Variants in DMRT3 observed in about 807,000 individuals in gnomAD.
The protein encoded by DMRT3 is doublesex- and mab-3-related transcription factor 3.
In DMRT3, 29 loss-of-function variants were observed where a neutral mutation model predicts 34.9. That is an observed-to-expected ratio of 0.83 (90% confidence interval 0.62 to 1.13). DMRT3 has a LOEUF of 1.13. Ranked by LOEUF, DMRT3 falls within the 50% of genes most tolerant of loss-of-function variation. The pLI is 0.00. For synonymous variants in DMRT3, 350 were observed against 286.0 expected (o/e 1.22, Z -2.26); for missense variants, 772 against 629.1 (o/e 1.23, Z -2.43).
intron 1 of DMRT3, among the ~76,000 whole-genome samples, chr9:987,125 G>A (rs1820295938): frequency 6.6e-6 from 1 of 152,018 alleles, no homozygotes; most frequent in Non-Finnish European, 1.5e-5. Context: ...TCAAAATGTT[G>A]TGCAACCATC....
chr9:982,238 C>T (rs2130060956), intron 1 of DMRT3, among the ~76,000 whole-genome samples: 1 of 152,326 alleles, frequency 6.6e-6, no homozygotes, highest in East Asian at 1.9e-4. Context: ...CTCTGCAGAG[C>T]CCGAGCTGCC....
rs568359416 is a variant in DMRT3, at chr9:978,473, T to G, written c.454+1018T>G. 5.9e-5 allele frequency among the ~76,000 whole-genome samples: 9 copies of G among 152,278 alleles called. No individual in the cohort carries two copies. In the South Asian group the frequency reaches 1.9e-3, roughly 32 times the overall value. On this transcript the variant is annotated intron_variant, in intron 1 of 1. Coordinates refer to ENST00000190165, the MANE Select transcript of DMRT3 (RefSeq NM_021240.4). ...TCTCCCGGAAGGGGGCATGCTGGAA[T>G]TAGGAGTGGGAAGGTCCAGAGCCCT...
chr9:980,538 A>AT (rs978262861), intron 1 of DMRT3, among the ~76,000 whole-genome samples: 39 of 152,096 alleles, frequency 2.6e-4, no homozygotes, highest in African/African-American at 9.4e-4. Context: ...TAAGCTATAT[A>AT]TATCTATTAA....
intron 1 of DMRT3, among the ~76,000 whole-genome samples, chr9:986,543 G>C (rs911283382): frequency 6.6e-6 from 1 of 152,140 alleles, no homozygotes; most frequent in Non-Finnish European, 1.5e-5. Flanking sequence ...TAAAGTGGGG[G>C]CAGGGGATGT....
chr9:990,519 G>A lies in DMRT3; in HGVS notation c.933G>A (p.Gly311=), dbSNP rs1820344927. The A allele has an allele frequency of 6.2e-7, 1 of 1,614,058 alleles. No individual in the cohort carries two copies. The highest frequency in any genetic ancestry group is 8.5e-7 in the Non-Finnish European group (1 of 1,180,008). The change falls in exon 2 of 2, where the codon GGG becomes GGA. Residue 311 remains glycine, a synonymous_variant. Transcript: ENST00000190165. ...EPESLALPSN[G]HIFEHTLSSY... Reference sequence around the variant, plus strand: ...AGAGTCTAGCGTTGCCCTCCAATGGGCACATCTTTGAACACACCTTGAGCT... The same window carrying A: ...AGAGTCTAGCGTTGCCCTCCAATGGACACATCTTTGAACACACCTTGAGCT...
Position 990,795 on chromosome 9 carries a change from G to A in DMRT3, c.1209G>A (p.Leu403=). Residue 403 remains leucine, a synonymous_variant, in exon 2 of 2, where the codon CTG becomes CTA. Coordinates refer to ENST00000190165, the MANE Select transcript of DMRT3 (RefSeq NM_021240.4). ...NTMTLQQQYQ[L]RSQYVSPFPS... Reference sequence around the variant, plus strand: ...TGACGCTGCAGCAGCAGTATCAGCTGAGGTCCCAGTATGTCAGTCCTTTCC... The same window carrying A: ...TGACGCTGCAGCAGCAGTATCAGCTAAGGTCCCAGTATGTCAGTCCTTTCC... The A allele has an allele frequency of 6.2e-7, 1 of 1,614,172 alleles. No homozygotes were observed. The highest frequency in any genetic ancestry group is 8.5e-7 in the Non-Finnish European group (1 of 1,180,028).
At chr9:977,556 C>A (rs279891) in intron 1 of DMRT3, 101 bp downstream of exon 1, 878,741 of 1,083,198 alleles carry the variant, frequency 0.81, 357,118 homozygotes, top group African/African-American at 0.9. Flanking sequence ...AGTTTTGGGA[C>A]GTGGGCCTGT....
rs1820346849 is a variant in DMRT3, at chr9:990,602, C to T, written c.1016C>T (p.Thr339Met). The T allele has an allele frequency of 6.2e-7, 1 of 1,614,120 alleles. No individual in the cohort carries two copies. The highest frequency in any genetic ancestry group is 1.1e-5 in the South Asian group (1 of 91,086). The stretch of plus-strand genomic sequence containing the variant: ...GGATCAGCCTTTCGAGTCCCAGACA[C>T]GTTGAGGTTTTCTGCCGACTCTAGC... ...SVGSAFRVPDTLRFSADSSNV... is the reference protein window; with the variant it reads ...SVGSAFRVPDMLRFSADSSNV... Residue 339 changes from threonine (T) to methionine (M), a missense_variant, in exon 2 of 2, where the codon ACG becomes ATG. Thr to Met is a moderately conservative substitution (Grantham distance 81). Coordinates refer to ENST00000190165, the MANE Select transcript of DMRT3 (RefSeq NM_021240.4).
rs1586680925 is a variant in DMRT3 at position 976,896 on chromosome 9, C to T, written c.-106C>T. The T allele has an allele frequency of 1.7e-5, 21 of 1,247,436 alleles. No individual in the cohort carries two copies. The East Asian group carries it at 2.1e-4, about 13-fold the overall frequency. 77.3% of individuals were successfully genotyped at this position (1,247,436 alleles called of 1,614,324 possible). A position where few individuals can be genotyped will look rare whatever the true frequency, so the allele number is the denominator to read the frequency against. Reference sequence around the variant, plus strand: ...CCACCGGGGCTGCGGGACCAAGGGCCGCGTCGCCCGGAGGCCGCCCCTGAG... The same window carrying T: ...CCACCGGGGCTGCGGGACCAAGGGCTGCGTCGCCCGGAGGCCGCCCCTGAG... On this transcript the variant is annotated 5_prime_UTR_variant, in exon 1 of 2. Coordinates refer to ENST00000190165, the MANE Select transcript of DMRT3 (RefSeq NM_021240.4). This position sits in a 1 kb window ranked among gnomAD's most constrained non-coding sequence, Gnocchi z 4.5.
rs1304368851 is a variant in DMRT3 at position 989,521 on chromosome 9, A to G, written c.455-520A>G. On this transcript the variant is annotated intron_variant, in intron 1 of 1. Coordinates refer to ENST00000190165, the MANE Select transcript of DMRT3 (RefSeq NM_021240.4). ...CCTGATGCAACTTACTGATTGGTTC[A>G]TAAGACATATTTAACACAAAATCAG... is the stretch of plus-strand genomic sequence containing the variant. 2.0e-5 allele frequency among the ~76,000 whole-genome samples: 3 copies of G among 152,236 alleles called. No individual in the cohort carries two copies. The East Asian group carries it at 5.8e-4, about 29-fold the overall frequency.
chr9:988,998 C>T (rs569917347), intron 1 of DMRT3, among the ~76,000 whole-genome samples: 1 of 152,304 alleles, frequency 6.6e-6, no homozygotes, highest in South Asian at 2.1e-4. Flanking sequence ...GCAATATTAC[C>T]AGCTGTTAAG....
In DMRT3 at chr9:977,333, C is replaced by T; in HGVS notation, c.332C>T (p.Pro111Leu). 2 of 1,264,450 alleles carry T rather than the reference C, an allele frequency of 1.6e-6. No homozygotes were observed. Among genetic ancestry groups the T allele is most frequent in the Non-Finnish European group, 2.0e-6 (2 of 1,007,726 alleles). The allele number at this position is 1,264,450 out of a possible 1,614,324, so 78.3% of individuals were successfully genotyped here. ...GDAVAAPQPP[P>L]ASQPSQPQPP... Reference sequence around the variant, plus strand: ...GCCGTCGCCGCCCCGCAGCCGCCGCCAGCCTCTCAGCCGTCGCAGCCGCAG... The same window carrying T: ...GCCGTCGCCGCCCCGCAGCCGCCGCTAGCCTCTCAGCCGTCGCAGCCGCAG... Residue 111 changes from proline to leucine, a missense_variant, in exon 1 of 2, where the codon CCA becomes CTA. Transcript: ENST00000190165.
chr9:984,154 C>A (rs549881334), intron 1 of DMRT3, among the ~76,000 whole-genome samples: 1 of 152,256 alleles, frequency 6.6e-6, no homozygotes, highest in African/African-American at 2.4e-5. Flanking sequence ...TGCCTGGGCT[C>A]CCTCCCTTGC....
Position 990,231 on chromosome 9 carries a change from G to C in DMRT3, c.645G>C (p.Glu215Asp). The change falls in exon 2 of 2, where the codon GAG becomes GAC. Residue 215 changes from glutamate to aspartate, a missense_variant. Coordinates refer to ENST00000190165, the MANE Select transcript of DMRT3 (RefSeq NM_021240.4). ...TCCAGAAAAACGGAGGCAACCCCGA[G>C]AGCCGCCCTGACAGCCCCAAGTGTC... Reference protein sequence around the residue: ...YAVQKNGGNPESRPDSPKCHA... With the variant: ...YAVQKNGGNPDSRPDSPKCHA... 1 of 1,614,066 alleles carries C rather than the reference G, an allele frequency of 6.2e-7. No individual in the cohort carries two copies. Among genetic ancestry groups the C allele is most frequent in the Non-Finnish European group, 8.5e-7 (1 of 1,180,030 alleles).
chr9:977,138 G>A lies in DMRT3; in HGVS notation c.137G>A (p.Arg46His), dbSNP rs777373571. 6 of 1,611,040 alleles carry A rather than the reference G, an allele frequency of 3.7e-6. No individual in the cohort carries two copies. Among genetic ancestry groups the A allele is most frequent in the Non-Finnish European group, 5.1e-6 (6 of 1,178,982 alleles). Residue 46 changes from arginine to histidine, a missense_variant, in exon 1 of 2, where the codon CGT (arginine) becomes CAT (histidine). Coordinates refer to ENST00000190165, the MANE Select transcript of DMRT3 (RefSeq NM_021240.4). ...GVLSWLKGHK[R>H]YCRFKDCTCE... is the part of the protein sequence containing the mutation. ...CTGTCCTGGCTCAAGGGCCACAAGCGTTACTGCCGCTTCAAGGACTGCACC... is the reference window on the plus strand; with the variant it reads ...CTGTCCTGGCTCAAGGGCCACAAGCATTACTGCCGCTTCAAGGACTGCACC...
chr9:981,601 G>A (rs1026664951), intron 1 of DMRT3, among the ~76,000 whole-genome samples: 7 of 152,210 alleles, frequency 4.6e-5, no homozygotes, highest in African/African-American at 1.7e-4. Context: ...GCTGGGGACC[G>A]GTCTTCCCAG....
chr9:990,575 T>C lies in DMRT3; in HGVS notation c.989T>C (p.Val330Ala), dbSNP rs1327919716. ...SYPISSSKWS[V>A]GSAFRVPDTL... ...CCCATCTCGTCTTCCAAATGGTCTG[T>C]GGGATCAGCCTTTCGAGTCCCAGAC... The change falls in exon 2 of 2, where the codon GTG (valine) becomes GCG (alanine). Residue 330 changes from valine (V) to alanine (A), a missense_variant. By Grantham distance (64) the Val-to-Ala change is moderately conservative (BLOSUM62 0). Coordinates refer to ENST00000190165, the MANE Select transcript of DMRT3 (RefSeq NM_021240.4). 1 of 1,614,146 alleles carries C rather than the reference T, an allele frequency of 6.2e-7. No individual in the cohort carries two copies. Among genetic ancestry groups the C allele is most frequent in the South Asian group, 1.1e-5 (1 of 91,078 alleles).
At chr9:988,947 G>A (rs978836438) in intron 1 of DMRT3, among the ~76,000 whole-genome samples, 1 of 152,202 alleles carries the variant, frequency 6.6e-6, no homozygotes, top group Non-Finnish European at 1.5e-5. Flanking sequence ...CTACTGCAAA[G>A]CAAACCACTC....
Position 977,290 on chromosome 9 carries a change from CCCCCGCCGCCGGGGGACGCCGTCGCCG to C in DMRT3, c.296_322del (p.Pro99_Pro107del). ...CGACTCGCTGCGCGCTCTGCCAGGG[CCCCCGCCGCCGGGGGACGCCGTCGCCG>C]CCCCGCAGCCGCCGCCAGCCTCTCA... is the stretch of plus-strand genomic sequence containing the variant. On this transcript the variant is annotated inframe_deletion, in exon 1 of 2. Coordinates refer to ENST00000190165, the MANE Select transcript of DMRT3 (RefSeq NM_021240.4). 1 of 1,417,468 alleles carries C rather than the reference CCCCCGCCGCCGGGGGACGCCGTCGCCG, an allele frequency of 7.1e-7. No homozygotes were observed. The highest frequency in any genetic ancestry group is 9.3e-7 in the Non-Finnish European group (1 of 1,080,482). The allele number at this position is 1,417,468 out of a possible 1,614,324, so 87.8% of individuals were successfully genotyped here.
Sources: allele counts gnomAD v4.1 joint callset (sites outside exome capture counted in the v4.1 genomes callset), GRCh38; gene constraint gnomAD v4.1.1; non-coding constraint Gnocchi (gnomAD v3.1); transcripts MANE v1.5; gene names NCBI Gene and HGNC (gene_info 2026-07-23, HGNC 2026-07-21).